NLRP9: variants seen among roughly 807,000 people sequenced by gnomAD.
NLRP9 encodes NACHT, LRR and PYD domains-containing protein 9.
In NLRP9, 88 loss-of-function variants were observed where a neutral mutation model predicts 83.1. That is an observed-to-expected ratio of 1.06 (90% CI 0.89 to 1.26). The LOEUF is 1.26. Among genes scored for constraint, NLRP9 ranks in the 50% most tolerant of loss-of-function variants. NLRP9 has a pLI of 0.00. For missense variants in NLRP9, 1,308 were observed against 1,179.3 expected (o/e 1.11, Z -1.60); for synonymous variants, 521 against 447.6 (o/e 1.16, Z -2.07).
At chr19:55,729,705 T>G in intron 3 of NLRP9, 126 bp downstream of exon 3, 1 of 721,878 alleles carries the variant, frequency 1.4e-6, no homozygotes, top group Non-Finnish European at 2.3e-6. Context: ...TACATGTACA[T>G]GTCACTACAT....
chr19:55,709,714 T>C (rs551145844), intron 8 of NLRP9: 1 of 152,336 alleles, frequency 6.6e-6, no homozygotes, highest in East Asian at 1.9e-4. Flanking sequence ...TGTTTATTTT[T>C]TCCCTTAGCT....
intron 4 of NLRP9, among the ~76,000 whole-genome samples, chr19:55,719,208 A>G (rs146441702): frequency 6.6e-6 from 1 of 152,292 alleles, no homozygotes; most frequent in Non-Finnish European, 1.5e-5. Flanking sequence ...AAACAATTAC[A>G]TTTCATAAAT....
In NLRP9 at chr19:55,731,589, TG is replaced by T. The variant is rs1415996289; in HGVS notation, c.1832+409del. On this transcript the variant is annotated intron_variant, in intron 2 of 8. Coordinates refer to ENST00000332836, the MANE Select transcript of NLRP9 (RefSeq NM_176820.4). ...AAATACAAAAATTAGCCGGGCGTGGTGGCGGGCACCTGTAATCCCAGCTACC... is the reference window on the plus strand; with the variant it reads ...AAATACAAAAATTAGCCGGGCGTGGTGCGGGCACCTGTAATCCCAGCTACC... Among the ~76,000 whole-genome samples, 8 of 151,932 alleles carry T rather than the reference TG, an allele frequency of 5.3e-5. No homozygotes were observed. In the East Asian group the frequency reaches 1.6e-3, roughly 30 times the overall value.
chr19:55,711,045 C>T (rs1188908399), intron 8 of NLRP9, among the ~76,000 whole-genome samples: 1 of 150,660 alleles, frequency 6.6e-6, no homozygotes, highest in Non-Finnish European at 1.5e-5. Flanking sequence ...GAGACTGTGC[C>T]ACTGCACTCC....
At position 55,711,473 on chromosome 19, in the gene NLRP9, G is replaced by C. The variant is rs867765964; in HGVS notation, c.2843+327C>G. ...CTGGCGTTGCATATTTATGGGCAAC[G>C]TAAGTAGAAGATGTTTTATAGAGCA... is the stretch of plus-strand genomic sequence containing the variant. On this transcript the variant is annotated intron_variant, in intron 8 of 8. Transcript: ENST00000332836. 9 of 1,321,712 alleles carry C rather than the reference G, an allele frequency of 6.8e-6. No individual in the cohort carries two copies. In the Middle Eastern group the frequency reaches 6.2e-4, roughly 90 times the overall value. 81.9% of individuals were successfully genotyped at this position (1,321,712 alleles called of 1,614,324 possible).
At position 55,729,908 on chromosome 19, in the gene NLRP9, A is replaced by G. The variant is rs1568602144; in HGVS notation, c.1917T>C (p.Asn639=). ...NKNFQILDME[N]TSLDDPSLAI... is the part of the protein sequence containing the mutation. ...CCAGGGAGGGATCATCGAGGCTGGT[A>G]TTTTCCATGTCTAAAATCTGGAAGT... Residue 639 remains asparagine (N), a synonymous_variant, in exon 3 of 9, where the codon AAT becomes AAC. Transcript: ENST00000332836. The G allele has an allele frequency of 1.2e-6, 2 of 1,613,770 alleles. No homozygotes were observed. Among genetic ancestry groups the G allele is most frequent in the South Asian group, 1.1e-5 (1 of 91,062 alleles).
rs147101016 is a variant in NLRP9 at position 55,734,248 on chromosome 19, C to T, written c.281-698G>A. 4.6e-5 allele frequency among the ~76,000 whole-genome samples: 7 copies of T among 151,194 alleles called. No individual in the cohort carries two copies. In the East Asian group the frequency reaches 1.4e-3, roughly 30 times the overall value. ...GTCAACCAGTACGTGCCTGTGGTCC[C>T]ACCTACTCAGGAAGCTGAGGCACAA... is the stretch of plus-strand genomic sequence containing the variant. On this transcript the variant is annotated intron_variant, in intron 1 of 8. Coordinates refer to ENST00000332836, the MANE Select transcript of NLRP9 (RefSeq NM_176820.4).
chr19:55,712,277 C>A lies in NLRP9; in HGVS notation c.2672+143G>T, dbSNP rs1289314241. The A allele has an allele frequency of 8.1e-6, 6 of 737,460 alleles. No individual in the cohort carries two copies. In the African/African-American group the frequency reaches 8.9e-5, roughly 11 times the overall value. The allele number at this position is 737,460 out of a possible 1,614,324, so 45.7% of individuals were successfully genotyped here. A position where few individuals can be genotyped will look rare whatever the true frequency, so the allele number is the denominator to read the frequency against. On this transcript the variant is annotated intron_variant, in intron 7 of 8. Coordinates refer to ENST00000332836, the MANE Select transcript of NLRP9 (RefSeq NM_176820.4). ...AGCAAGAGTACCAAGACTGAGCAAA[C>A]CCTGGGGCAGCATTTTACATATCAG...
intron 1 of NLRP9, among the ~76,000 whole-genome samples, chr19:55,734,047 C>G (rs1004771184): frequency 2.0e-5 from 3 of 151,106 alleles, no homozygotes; most frequent in Admixed American, 6.6e-5. Flanking sequence ...CGCAGCCTCC[C>G]GAGTAGCTGG....
chr19:55,733,919 A>AATTT (rs1555796186), intron 1 of NLRP9, among the ~76,000 whole-genome samples: 2 of 117,872 alleles, frequency 1.7e-5, no homozygotes, highest in Admixed American at 8.8e-5. Flanking sequence ...TGTCAACCAA[A>AATTT]TTTTTTTTTT....
intron 2 of NLRP9, among the ~76,000 whole-genome samples, chr19:55,730,284 T>C (rs763080822): frequency 1.3e-4 from 20 of 152,186 alleles, no homozygotes; most frequent in Non-Finnish European, 1.5e-4. Context: ...CAAGACTCCA[T>C]CTCTATTAAA....
At position 55,708,556 on chromosome 19, in the gene NLRP9, G is replaced by A. The variant is rs531028782; in HGVS notation, c.*356C>T. On this transcript the variant is annotated 3_prime_UTR_variant, in exon 9 of 9. Transcript: ENST00000332836. ...ACATTCTAGCATCACTTCTGTGTCA[G>A]AAGTATCCGGATTGTGGTGCCTACA... 6 of 167,690 alleles carry A rather than the reference G, an allele frequency of 3.6e-5. No homozygotes were observed. Among genetic ancestry groups the A allele is most frequent in the South Asian group, 2.0e-4 (1 of 4,962 alleles). 10.4% of individuals were successfully genotyped at this position (167,690 alleles called of 1,614,324 possible).
intron 2 of NLRP9, among the ~76,000 whole-genome samples, chr19:55,731,079 G>C (rs763189485): frequency 6.6e-6 from 1 of 152,130 alleles, no homozygotes; most frequent in Non-Finnish European, 1.5e-5. Context: ...CGATTGTTCT[G>C]TGAACAAGGG....
chr19:55,718,841 C>T (rs2122298819), intron 4 of NLRP9, among the ~76,000 whole-genome samples: 1 of 152,334 alleles, frequency 6.6e-6, no homozygotes, highest in East Asian at 1.9e-4. Flanking sequence ...CTCATCTCCA[C>T]CTGACTAGAA....
intron 7 of NLRP9, 51 bp from the exon 8 acceptor site, chr19:55,712,021 G>C (rs1386244916): frequency 1.9e-6 from 3 of 1,569,918 alleles, no homozygotes; most frequent in Admixed American, 1.7e-5. Flanking sequence ...GGGTAGGCTG[G>C]AAGGCACGCC....
At chr19:55,713,641 TC>T (rs1261839911) in intron 6 of NLRP9, among the ~76,000 whole-genome samples, 1 of 82,602 alleles carries the variant, frequency 1.2e-5, no homozygotes, top group Non-Finnish European at 2.5e-5. Flanking sequence ...CCTCCTCCTC[TC>T]CCCTCTCCCT....
intron 2 of NLRP9, among the ~76,000 whole-genome samples, chr19:55,731,723 C>A (rs1166161979): frequency 4.6e-5 from 5 of 108,850 alleles, no homozygotes; most frequent in African/African-American, 7.0e-5. Flanking sequence ...GACTCCGTCT[C>A]AAAAAAAAAA....
intron 2 of NLRP9, among the ~76,000 whole-genome samples, chr19:55,731,766 C>T: frequency 6.6e-6 from 1 of 150,928 alleles, no homozygotes; most frequent in Non-Finnish European, 1.5e-5. Context: ...CTCTTAATCT[C>T]ACACGAGCCC....
At chr19:55,709,069 T>G in intron 8 of NLRP9, 25 bp from the exon 9 acceptor site, 1 of 1,548,536 alleles carries the variant, frequency 6.5e-7, no homozygotes, top group Non-Finnish European at 8.6e-7. Context: ...ATAAAGTTTT[T>G]TTTTTTGTTT....
Sources: gnomAD v4.1 joint callset for allele counts (sites outside exome capture counted in the v4.1 genomes callset) on GRCh38, gnomAD v4.1.1 for gene constraint, MANE v1.5 for transcripts, NCBI Gene and HGNC (gene_info 2026-07-23, HGNC 2026-07-21) for gene names.